HERC1: variants seen among roughly 807,000 people sequenced by gnomAD.
The protein encoded by HERC1 is probable E3 ubiquitin-protein ligase HERC1.
HERC1 carries 160 observed loss-of-function variants against 554.3 expected under a neutral mutation model. That is an observed-to-expected ratio of 0.29 (90% CI 0.25 to 0.33). HERC1 has a LOEUF of 0.33. HERC1 is among the 10% of genes least tolerant of loss of function. HERC1 has a pLI of 1.00. For synonymous variants in HERC1, 2,175 were observed against 2,131.7 expected, an observed-to-expected ratio of 1.02 and a Z score of -0.56; for missense variants, 4,919 against 5,918.5, an observed-to-expected ratio of 0.83 and a Z score of 5.54.
At chr15:63,726,510 G>T (rs2074046552) in intron 17 of HERC1, among the ~76,000 whole-genome samples, 1 of 151,944 alleles carries the variant, frequency 6.6e-6, no homozygotes, top group South Asian at 2.1e-4. Context: ...GAATAAACAG[G>T]ATATAACCAT....
At chr15:63,772,262 C>T (rs1346633535) in intron 2 of HERC1, among the ~76,000 whole-genome samples, 1 of 152,060 alleles carries the variant, frequency 6.6e-6, no homozygotes, top group Admixed American at 6.5e-5. Context: ...CATTAAGGAG[C>T]AATATTGTAG....
chr15:63,675,966 C>T (rs1455316755), intron 37 of HERC1, among the ~76,000 whole-genome samples: 3 of 146,476 alleles, frequency 2.0e-5, no homozygotes, highest in Non-Finnish European at 4.5e-5. Context: ...TGCAGTGGTG[C>T]GATCTCAGCT....
chr15:63,806,794 C>G (rs59619536), intron 1 of HERC1, among the ~76,000 whole-genome samples: 2 of 152,198 alleles, frequency 1.3e-5, no homozygotes, highest in African/African-American at 2.4e-5. Flanking sequence ...CACTCCGAGA[C>G]AGTCTTGCTC....
chr15:63,694,980 C>G lies in HERC1; in HGVS notation c.5122-86G>C. 3 of 1,209,020 alleles carry G rather than the reference C, an allele frequency of 2.5e-6. No individual in the cohort carries two copies. The highest frequency in any genetic ancestry group is 3.5e-6 in the Non-Finnish European group (3 of 865,434). 74.9% of individuals were successfully genotyped at this position (1,209,020 alleles called of 1,614,324 possible). ...GAAGTAATAACATTTTATTTCTAGT[C>G]TATGCTAGAGCCTTACGATGGTTTT... On this transcript the variant is annotated intron_variant, in intron 27 of 77. Coordinates refer to ENST00000443617, the MANE Select transcript of HERC1 (RefSeq NM_003922.4). This position sits in a 1 kb window ranked among gnomAD's most constrained non-coding sequence, Gnocchi z 4.3.
At chr15:63,637,022 CAG>C in intron 64 of HERC1, 1 of 426,686 alleles carries the variant, frequency 2.3e-6, no homozygotes, top group Non-Finnish European at 4.6e-6. Flanking sequence ...TTGTAGGCTT[CAG>C]AGTCATTATG....
chr15:63,795,304 A>G (rs750557709), intron 1 of HERC1, among the ~76,000 whole-genome samples: 6 of 152,080 alleles, frequency 3.9e-5, no homozygotes, highest in Non-Finnish European at 7.4e-5. Flanking sequence ...ATCATTTTGG[A>G]AAAAGAAGTT....
At chr15:63,681,986 T>G (rs1402201359) in intron 34 of HERC1, among the ~76,000 whole-genome samples, 1 of 152,170 alleles carries the variant, frequency 6.6e-6, no homozygotes, top group Non-Finnish European at 1.5e-5. Context: ...GTCTGACGAG[T>G]CCTTCTAGTG....
rs1305588593 is a variant in HERC1 at position 63,672,633 on chromosome 15, A to G, written c.7908T>C (p.Thr2636=). 3 of 1,613,114 alleles carry G rather than the reference A, an allele frequency of 1.9e-6. No homozygotes were observed. The highest frequency in any genetic ancestry group is 1.6e-4 in the Middle Eastern group (1 of 6,062). Reference sequence around the variant, plus strand: ...AGGTCGTGCTTGAGGCTGATGGGCTAGTAGTAACTGGTGTCTGTGCCTGCT... The same window carrying G: ...AGGTCGTGCTTGAGGCTGATGGGCTGGTAGTAACTGGTGTCTGTGCCTGCT... ...PAQQAQTPVT[T]SPSASSTTSF... is the part of the protein sequence containing the mutation. The change falls in exon 39 of 78, where the codon ACT becomes ACC. Residue 2636 remains threonine (T), a synonymous_variant. Transcript: ENST00000443617.
At chr15:63,642,525 A>G (rs2069120407) in intron 59 of HERC1, among the ~76,000 whole-genome samples, 1 of 152,206 alleles carries the variant, frequency 6.6e-6, no homozygotes, top group South Asian at 2.1e-4. Flanking sequence ...TTTAGTAGAG[A>G]TGGGGTTTCA....
At chr15:63,771,437 GT>G (rs137911679) in intron 2 of HERC1, among the ~76,000 whole-genome samples, 14 of 144,748 alleles carry the variant, frequency 9.7e-5, no homozygotes, top group South Asian at 8.8e-4. Flanking sequence ...AAGCAATCTA[GT>G]TTTTTTTTTT....
intron 2 of HERC1, among the ~76,000 whole-genome samples, chr15:63,768,929 G>GTA (rs1012115977): frequency 1.8e-4 from 27 of 152,128 alleles, no homozygotes; most frequent in African/African-American, 5.5e-4. Context: ...TTTGCATTAT[G>GTA]TATATATATA....
At chr15:63,650,031 A>T in intron 53 of HERC1, 106 bp from the exon 54 acceptor site, 1 of 716,134 alleles carries the variant, frequency 1.4e-6, no homozygotes, top group Non-Finnish European at 2.3e-6. Context: ...AGCAGTTCCA[A>T]ATTTCATAAT....
At chr15:63,625,197 TCAGCA>T (rs780731389) in intron 71 of HERC1, among the ~76,000 whole-genome samples, 36 of 152,142 alleles carry the variant, frequency 2.4e-4, no homozygotes, top group Non-Finnish European at 3.8e-4. Context: ...GATAGACAAA[TCAGCA>T]AAATTTACTT....
At chr15:63,708,652 G>C (rs897029661) in intron 24 of HERC1, among the ~76,000 whole-genome samples, 2 of 152,178 alleles carry the variant, frequency 1.3e-5, no homozygotes, top group African/African-American at 4.8e-5. Context: ...TTTTATGAAA[G>C]AAGGTTAAAA....
intron 12 of HERC1, among the ~76,000 whole-genome samples, chr15:63,736,042 C>A (rs1370400302): frequency 3.3e-5 from 5 of 151,878 alleles, no homozygotes; most frequent in Non-Finnish European, 7.4e-5. Flanking sequence ...TGGGATAAGT[C>A]AAAAAGACCC....
At chr15:63,750,887 T>C (rs926113952) in intron 8 of HERC1, among the ~76,000 whole-genome samples, 3 of 152,186 alleles carry the variant, frequency 2.0e-5, no homozygotes, top group African/African-American at 2.4e-5. Context: ...CAGTGAGCCA[T>C]GTTTGTGCCA....
chr15:63,795,398 T>C (rs2076783267), intron 1 of HERC1, among the ~76,000 whole-genome samples: 1 of 152,168 alleles, frequency 6.6e-6, no homozygotes, highest in East Asian at 1.9e-4. Context: ...GAGATGTTGA[T>C]AGCACCTAAG....
chr15:63,797,878 G>A (rs1428335768), intron 1 of HERC1, among the ~76,000 whole-genome samples: 1 of 152,134 alleles, frequency 6.6e-6, no homozygotes, highest in Non-Finnish European at 1.5e-5. Flanking sequence ...AAATTAAACA[G>A]TACAACAAGA....
In HERC1 at chr15:63,727,715, T is replaced by A. The variant is rs1321541834; in HGVS notation, c.3278A>T (p.Asp1093Val). Residue 1093 changes from aspartate (D) to valine (V), a missense_variant, in exon 17 of 78, where the codon GAT becomes GTT. By Grantham distance (152) the Asp-to-Val change is radical. Around this residue, in one of 11 missense-constraint regions of HERC1, gnomAD observed 1,121 missense variants for 1,244.0 expected, o/e 0.90. Transcript: ENST00000443617. The surrounding 1 kb of genome is among the most constrained non-coding windows in gnomAD (Gnocchi z 4.3). ...SYLLDLLPPL[D>V]CLNRLLPAAD... ...AGCTGGCAGGAGTCTATTAAGGCAA[T>A]CAAGAGGTGGCAACAAGTCGAGGAG... The A allele has an allele frequency of 6.2e-7, 1 of 1,613,676 alleles. No homozygotes were observed. The highest frequency in any genetic ancestry group is 1.3e-5 in the African/African-American group (1 of 74,886).
Sources: allele counts gnomAD v4.1 joint callset (sites outside exome capture counted in the v4.1 genomes callset), GRCh38; gene constraint gnomAD v4.1.1; regional missense constraint gnomAD v4.1.1; non-coding constraint Gnocchi (gnomAD v3.1); transcripts MANE v1.5; gene names NCBI Gene and HGNC (gene_info 2026-07-23, HGNC 2026-07-21).